Variants in FMN1 observed in about 807,000 individuals in gnomAD.
FMN1 encodes the protein formin 1.
In FMN1, 110 loss-of-function variants were observed where a neutral mutation model predicts 132.4. The ratio of observed to expected loss-of-function variants is 0.83; its 90% CI spans 0.71 to 0.97. FMN1 has a LOEUF of 0.97. Ranked by LOEUF, FMN1 falls within the 50% of genes least tolerant of loss-of-function variation. FMN1 has a pLI of 0.00. For missense variants in FMN1, 1,792 were observed against 1,705.3 expected (o/e 1.05, Z -0.90); for synonymous variants, 722 against 651.7 (o/e 1.11, Z -1.64).
intron 4 of FMN1, among the ~76,000 whole-genome samples, chr15:33,119,712 C>T (rs1962372550): frequency 6.6e-6 from 1 of 152,092 alleles, no homozygotes; most frequent in African/African-American, 2.4e-5. Context: ...TTTTTTGAAT[C>T]ATCTCTCAAA....
chr15:32,845,886 C>T (rs184088430), intron 17 of FMN1, among the ~76,000 whole-genome samples: 4 of 151,870 alleles, frequency 2.6e-5, no homozygotes, highest in Admixed American at 2.6e-4. Context: ...TGGTGGTTTC[C>T]CATGTATGTT....
chr15:33,031,735 G>A (rs2035946275), intron 6 of FMN1, among the ~76,000 whole-genome samples: 1 of 152,178 alleles, frequency 6.6e-6, no homozygotes, highest in African/African-American at 2.4e-5. Flanking sequence ...GCAAGCTGGA[G>A]GGCCAGGCTC....
At position 33,153,780 on chromosome 15, in the gene FMN1, C is replaced by T. The variant is rs923674715; in HGVS notation, c.1135G>A (p.Gly379Arg). The stretch of plus-strand genomic sequence containing the variant: ...CCCTGCCGCCTGGAGCCATGAGCCC[C>T]AGCCTCAGCTCCCGGGAGGGTGAGC... Reference protein sequence around the residue: ...DLLTLPGAEAGAHGSRRQGKE... With the variant: ...DLLTLPGAEARAHGSRRQGKE... Residue 379 changes from glycine to arginine, a missense_variant, in exon 4 of 21, where the codon GGG becomes AGG. Physicochemically the swap from Gly to Arg is moderately radical, Grantham distance 125. This residue lies in a region of FMN1 where 638 missense variants were observed against 645.2 expected (regional missense o/e 0.99). Transcript: ENST00000616417. The T allele has an allele frequency of 2.0e-6, 3 of 1,536,268 alleles. No individual in the cohort carries two copies. In the African/African-American group the frequency reaches 4.1e-5, roughly 21 times the overall value.
intron 2 of FMN1, among the ~76,000 whole-genome samples, chr15:33,192,097 C>T (rs116357569): frequency 3.9e-5 from 6 of 152,248 alleles, no homozygotes; most frequent in African/African-American, 7.2e-5. Context: ...TACACTGATA[C>T]GAATAAAGTT....
intron 17 of FMN1, among the ~76,000 whole-genome samples, chr15:32,856,274 G>T (rs1430114777): frequency 6.6e-6 from 1 of 152,158 alleles, no homozygotes; most frequent in Non-Finnish European, 1.5e-5. Flanking sequence ...AGGGAAAAAA[G>T]CTGCCTGCAA....
In FMN1 at chr15:32,861,841, G is replaced by A. The variant is rs113637800; in HGVS notation, c.3836-4734C>T. ...TGCAGGCGAAGTCTTGGGGAAAGAC[G>A]AAGCAAAATGGGAAACAATTCCCCT... On this transcript the variant is annotated intron_variant, in intron 16 of 20. Transcript: ENST00000616417. Among the ~76,000 whole-genome samples the A allele has an allele frequency of 6.6e-3, 1,009 of 152,320 alleles. 7 individuals carry two copies. Among genetic ancestry groups the A allele is most frequent in the African/African-American group, 0.023 (949 of 41,570 alleles).
At chr15:32,967,577 T>TA (rs2031360986) in intron 8 of FMN1, among the ~76,000 whole-genome samples, 1 of 152,228 alleles carries the variant, frequency 6.6e-6, no homozygotes, top group Admixed American at 6.5e-5. Flanking sequence ...TCATCTCACT[T>TA]TTTTATGAAC....
intron 8 of FMN1, among the ~76,000 whole-genome samples, chr15:32,966,645 TC>T (rs1663438667): frequency 6.6e-6 from 1 of 152,136 alleles, no homozygotes; most frequent in Non-Finnish European, 1.5e-5. Flanking sequence ...AAAAATCAGT[TC>T]ATACCAGGAG....
At chr15:33,047,635 G>A (rs1297026751) in intron 6 of FMN1, among the ~76,000 whole-genome samples, 4 of 152,134 alleles carry the variant, frequency 2.6e-5, no homozygotes, top group African/African-American at 7.2e-5. Context: ...GGTTTTGCAT[G>A]GTGTTAGCTG....
intron 8 of FMN1, among the ~76,000 whole-genome samples, chr15:32,964,821 T>C (rs1206061352): frequency 6.6e-6 from 1 of 152,152 alleles, no homozygotes; most frequent in African/African-American, 2.4e-5. Flanking sequence ...AAATACATGA[T>C]TCATAGTATC....
At chr15:32,907,430 G>T (rs1328647519) in intron 12 of FMN1, among the ~76,000 whole-genome samples, 1 of 152,152 alleles carries the variant, frequency 6.6e-6, no homozygotes, top group Non-Finnish European at 1.5e-5. Flanking sequence ...TGCTGCTGCT[G>T]ATCTGACAGG....
intron 18 of FMN1, among the ~76,000 whole-genome samples, chr15:32,802,214 C>T (rs1363043133): frequency 6.6e-6 from 1 of 152,108 alleles, no homozygotes; most frequent in Non-Finnish European, 1.5e-5. Context: ...GCTATAATTC[C>T]CTGTCTGATT....
intron 6 of FMN1, among the ~76,000 whole-genome samples, chr15:33,039,913 C>T (rs2036351794): frequency 6.6e-6 from 1 of 152,186 alleles, no homozygotes; most frequent in Non-Finnish European, 1.5e-5. Flanking sequence ...CGCCACTCAC[C>T]TTCCTCCCAG....
At chr15:33,185,627 C>T (rs1035165787) in intron 2 of FMN1, among the ~76,000 whole-genome samples, 2 of 135,840 alleles carry the variant, frequency 1.5e-5, no homozygotes, top group African/African-American at 6.0e-5. Flanking sequence ...GGCTGGAGTG[C>T]AGTGGCATGA....
chr15:33,012,723 T>C, intron 6 of FMN1: 1 of 756,124 alleles, frequency 1.3e-6, no homozygotes, highest in Non-Finnish European at 2.4e-6. Context: ...GAAACTTTCG[T>C]GGTGGCCATG....
intron 6 of FMN1, among the ~76,000 whole-genome samples, chr15:33,033,272 C>A (rs184934981): frequency 2.0e-5 from 3 of 152,116 alleles, no homozygotes; most frequent in African/African-American, 7.2e-5. Flanking sequence ...CCTTGTGATC[C>A]GCCCACCTCA....
intron 17 of FMN1, among the ~76,000 whole-genome samples, chr15:32,832,354 G>C (rs1397216683): frequency 2.6e-5 from 4 of 152,160 alleles, no homozygotes; most frequent in African/African-American, 7.2e-5. Context: ...CTTTCCTTCT[G>C]ATGAAGCTGT....
At chr15:33,145,064 G>A (rs1046731164) in intron 4 of FMN1, among the ~76,000 whole-genome samples, 1 of 152,062 alleles carries the variant, frequency 6.6e-6, no homozygotes, top group African/African-American at 2.4e-5. Flanking sequence ...TGACTCTACC[G>A]ATTTTGGTGC....
At chr15:33,151,187 T>C in intron 4 of FMN1, 3 of 1,513,534 alleles carry the variant, frequency 2.0e-6, no homozygotes, top group Non-Finnish European at 2.6e-6. Flanking sequence ...GTAGGGCCAA[T>C]AGGAGGTAAT....
Sources: allele counts gnomAD v4.1 joint callset (sites outside exome capture counted in the v4.1 genomes callset), GRCh38; gene constraint gnomAD v4.1.1; regional missense constraint gnomAD v4.1.1; transcripts MANE v1.5; gene names NCBI Gene and HGNC (gene_info 2026-07-23, HGNC 2026-07-21).